VIPR2: variants seen among roughly 807,000 people sequenced by gnomAD.
VIPR2 encodes the protein vasoactive intestinal peptide receptor 2.
A neutral mutation model predicts 58.0 loss-of-function variants in VIPR2; 48 were observed. That is an observed-to-expected ratio of 0.83 (90% CI 0.66 to 1.05). The LOEUF (loss-of-function observed/expected upper bound fraction) is 1.05, where lower values mean the gene tolerates loss of function less well. Among genes scored for constraint, VIPR2 ranks in the 50% least tolerant of loss-of-function variants. The pLI, the probability that VIPR2 is intolerant of heterozygous loss-of-function variation, is 0.00. For missense variants in VIPR2, 534 were observed against 558.0 expected (o/e 0.96, Z 0.43); for synonymous variants, 243 against 235.2 (o/e 1.03, Z -0.30).
chr7:159,046,471 A>G (rs1271290859), intron 5 of VIPR2, among the ~76,000 whole-genome samples: 1 of 152,208 alleles, frequency 6.6e-6, no homozygotes, highest in Non-Finnish European at 1.5e-5. Context: ...ATATTGTATG[A>G]CGCATCCAGT....
intron 4 of VIPR2, among the ~76,000 whole-genome samples, chr7:159,100,460 C>T (rs952867550): frequency 4.6e-5 from 7 of 151,436 alleles, no homozygotes; most frequent in African/African-American, 1.7e-4. Flanking sequence ...TGACAGTGGG[C>T]TCACAGTAAC....
At chr7:159,137,137 G>C (rs990183689) in intron 2 of VIPR2, among the ~76,000 whole-genome samples, 4 of 152,092 alleles carry the variant, frequency 2.6e-5, no homozygotes, top group African/African-American at 7.2e-5. Context: ...CTCACCTCAA[G>C]GGGCCGGCCG....
Position 159,144,733 on chromosome 7 carries a change from C to A in VIPR2, c.39G>T (p.Trp13Cys). 3.8e-6 allele frequency: 5 copies of A among 1,321,508 alleles called. No individual in the cohort carries two copies. The highest frequency in any genetic ancestry group is 4.8e-6 in the Non-Finnish European group (5 of 1,037,822). 81.9% of individuals were successfully genotyped at this position (1,321,508 alleles called of 1,614,324 possible). A position where few individuals can be genotyped will look rare whatever the true frequency, so the allele number is the denominator to read the frequency against. ...TLLPPALLTCWLLAPVNSIHP... is the reference protein window; with the variant it reads ...TLLPPALLTCCLLAPVNSIHP... ...CGGGCGCACTCACGGGGGCGAGCAG[C>A]CAGCAGGTCAGCAGCGCGGGAGGCA... is the stretch of plus-strand genomic sequence containing the variant. Residue 13 changes from tryptophan (W) to cysteine (C), a missense_variant, in exon 1 of 13, where the codon TGG (tryptophan) becomes TGT (cysteine). Around this residue, in one of 3 missense-constraint regions of VIPR2, gnomAD observed 224 missense variants for 255.7 expected, o/e 0.88. Transcript: ENST00000262178.
rs769716862 is a variant in VIPR2, at chr7:159,103,840, T to C, written c.274A>G (p.Asn92Asp). ...TCTGACCATCCGTCACTCGTACAGT[T>C]TTTGCTTATGTTTCCTGGAAAGTGA... ...FYSKAGNISK[N>D]CTSDGWSETF... Residue 92 changes from asparagine (N) to aspartate (D), a missense_variant, in exon 4 of 13, where the codon AAC becomes GAC. Transcript: ENST00000262178. 1.2e-6 allele frequency: 2 copies of C among 1,614,074 alleles called. No individual in the cohort carries two copies. Among genetic ancestry groups the C allele is most frequent in the Non-Finnish European group, 8.5e-7 (1 of 1,179,972 alleles).
intron 5 of VIPR2, among the ~76,000 whole-genome samples, chr7:159,051,653 T>C (rs541017562): frequency 3.6e-4 from 55 of 152,266 alleles, no homozygotes; most frequent in African/African-American, 1.3e-3. Flanking sequence ...CTACATTTAA[T>C]ATAAAACACA....
chr7:159,077,926 A>G (rs565415645), intron 4 of VIPR2, among the ~76,000 whole-genome samples: 1 of 152,346 alleles, frequency 6.6e-6, no homozygotes, highest in South Asian at 2.1e-4. Flanking sequence ...CGAAATGAAC[A>G]TTTCCAATTT....
At chr7:159,104,413 C>T (rs1470095806) in intron 3 of VIPR2, among the ~76,000 whole-genome samples, 2 of 149,040 alleles carry the variant, frequency 1.3e-5, no homozygotes, top group Non-Finnish European at 3.0e-5. Flanking sequence ...CCAGGTGTCC[C>T]GCCTGCTCCA....
intron 5 of VIPR2, among the ~76,000 whole-genome samples, chr7:159,045,910 A>G (rs937136019): frequency 7.6e-5 from 2 of 26,348 alleles, no homozygotes. Context: ...AAGAACTCTT[A>G]CAACTCAATG....
chr7:159,092,781 A>C (rs1369316560), intron 4 of VIPR2, among the ~76,000 whole-genome samples: 3 of 151,062 alleles, frequency 2.0e-5, no homozygotes, highest in Non-Finnish European at 4.4e-5. Flanking sequence ...TGTCTGCCAG[A>C]GGGAGGTGGT....
rs1290914972 is a variant in VIPR2 at position 159,030,716 on chromosome 7, C to T, written c.1217G>A (p.Cys406Tyr). 1 of 1,594,888 alleles carries T rather than the reference C, an allele frequency of 6.3e-7. No individual in the cohort carries two copies. The change falls in exon 13 of 13, where the codon TGC (cysteine) becomes TAC (tyrosine). Residue 406 changes from cysteine (C) to tyrosine (Y), a missense_variant. Transcript: ENST00000262178. ...GCCGTTGCGGGAGAAGGAGGAACCG[C>T]AGACCCTGTAATCCCGGCTCGCGGA... ...TPSASRDYRVCGSSFSRNGSE... is the reference protein window; with the variant it reads ...TPSASRDYRVYGSSFSRNGSE...
intron 2 of VIPR2, among the ~76,000 whole-genome samples, chr7:159,131,595 A>G (rs1305060051): frequency 6.6e-6 from 1 of 152,182 alleles, no homozygotes; most frequent in Non-Finnish European, 1.5e-5. Flanking sequence ...GCAAGTATAA[A>G]CACTAACCCT....
intron 2 of VIPR2, among the ~76,000 whole-genome samples, chr7:159,131,345 A>G (rs904786466): frequency 3.9e-5 from 6 of 152,214 alleles, no homozygotes; most frequent in Non-Finnish European, 8.8e-5. Flanking sequence ...CACACTGATC[A>G]TGTCAATTAC....
At chr7:159,037,023 T>C in intron 6 of VIPR2, 121 bp from the exon 7 acceptor site, 1 of 1,213,710 alleles carries the variant, frequency 8.2e-7, no homozygotes, top group East Asian at 2.6e-5. Flanking sequence ...GAGACACCGG[T>C]GCCATTGGGA....
chr7:159,142,331 C>CTTT, intron 2 of VIPR2, 115 bp downstream of exon 2: 1 of 746,466 alleles, frequency 1.3e-6, no homozygotes, highest in African/African-American at 2.1e-5. Flanking sequence ...AGTGGCCTTT[C>CTTT]TTTTTCTTTT....
At chr7:159,088,303 C>A (rs1563313152) in intron 4 of VIPR2, among the ~76,000 whole-genome samples, 1 of 152,164 alleles carries the variant, frequency 6.6e-6, no homozygotes, top group Non-Finnish European at 1.5e-5. Flanking sequence ...ACCCGCATAC[C>A]CACTGCAGCA....
intron 3 of VIPR2, among the ~76,000 whole-genome samples, chr7:159,105,635 C>A (rs942471423): frequency 2.6e-5 from 4 of 152,128 alleles, no homozygotes; most frequent in Non-Finnish European, 5.9e-5. Flanking sequence ...ACACCATCAC[C>A]AATCAGGGGC....
At chr7:159,035,847 G>T (rs542873895) in intron 8 of VIPR2, 105 bp downstream of exon 8, 2 of 1,483,468 alleles carry the variant, frequency 1.3e-6, no homozygotes, top group South Asian at 2.8e-5. Context: ...GGCCGCAAAC[G>T]CTCCCTGTCC....
chr7:159,132,831 G>GACAGAATGATTGGCATGCAGATTGATTTC (rs1796996212), intron 2 of VIPR2, among the ~76,000 whole-genome samples: 1 of 40,470 alleles, frequency 2.5e-5, no homozygotes, highest in Non-Finnish European at 5.0e-5. Flanking sequence ...CGATTGATTT[G>GACAGAATGATTGGCATGCAGATTGATTTC]AGACAGAATG....
chr7:159,082,886 A>G (rs1856983740), intron 4 of VIPR2, among the ~76,000 whole-genome samples: 1 of 152,250 alleles, frequency 6.6e-6, no homozygotes, highest in African/African-American at 2.4e-5. Context: ...TTCCCAGTGT[A>G]TCAATGGGTC....
Sources: gnomAD v4.1 joint callset for allele counts (sites outside exome capture counted in the v4.1 genomes callset) on GRCh38, gnomAD v4.1.1 for gene constraint, gnomAD v4.1.1 regional missense constraint, MANE v1.5 for transcripts, NCBI Gene and HGNC (gene_info 2026-07-23, HGNC 2026-07-21) for gene names.